TSGA10: variants seen among roughly 807,000 people sequenced by gnomAD.
TSGA10 encodes testis-specific gene 10 protein.
Under a neutral mutation model 96.6 loss-of-function variants are expected in TSGA10, and 43 were observed. That is an observed-to-expected ratio of 0.44 (90% CI 0.35 to 0.57). The LOEUF (loss-of-function observed/expected upper bound fraction) is 0.57. Among genes scored for constraint, TSGA10 ranks in the 20% least tolerant of loss-of-function variants. The probability of loss-of-function intolerance (pLI) is 0.01; values close to 1 mark genes in which losing one functional copy is unlikely to be tolerated. For missense variants in TSGA10, 703 were observed against 834.4 expected (o/e 0.84, Z 1.94); for synonymous variants, 229 against 269.9 (o/e 0.85, Z 1.48).
chr2:99,125,789 A>T (rs923946472), intron 2 of TSGA10: 1 of 152,178 alleles, frequency 6.6e-6, no homozygotes, highest in African/African-American at 2.4e-5. Flanking sequence ...CAAGAATGGG[A>T]GTTCAGGCTC....
At chr2:99,076,091 A>G (rs1574090478) in intron 12 of TSGA10, among the ~76,000 whole-genome samples, 1 of 152,120 alleles carries the variant, frequency 6.6e-6, no homozygotes, top group South Asian at 2.1e-4. Context: ...GCCTTTAAAT[A>G]TTTCAATATT....
rs773569978 is a variant in TSGA10, at chr2:99,035,454, T to TTA, written c.1405-17_1405-16dup. 3 of 1,555,928 alleles carry TTA rather than the reference T, an allele frequency of 1.9e-6. No homozygotes were observed. The highest frequency in any genetic ancestry group is 4.6e-5 in the East Asian group (2 of 43,674). On this transcript the variant is annotated splice_polypyrimidine_tract_variant and intron_variant, in intron 16 of 20. Coordinates refer to ENST00000393483, the MANE Select transcript of TSGA10 (RefSeq NM_025244.4). ...GCATTTAAGTGCTGTAAGAATAAAA[T>TTA]TATATATATGTATGTATACATATAT...
chr2:99,057,916 A>G (rs971193840), intron 16 of TSGA10, among the ~76,000 whole-genome samples: 3 of 152,236 alleles, frequency 2.0e-5, no homozygotes, highest in Non-Finnish European at 2.9e-5. Flanking sequence ...TCAATGAAAT[A>G]GAATTAAGAG....
chr2:99,102,684 A>G, intron 10 of TSGA10: 1 of 1,613,534 alleles, frequency 6.2e-7, no homozygotes, highest in Non-Finnish European at 8.5e-7. Flanking sequence ...AAATAAGGTT[A>G]GTCATATTGA....
chr2:99,140,982 C>A (rs2093519070), intron 1 of TSGA10: 1 of 919,184 alleles, frequency 1.1e-6, no homozygotes, highest in African/African-American at 1.8e-5. Flanking sequence ...CCCGCCACGG[C>A]CCCGCACCCG....
At chr2:99,021,741 T>C (rs774467587) in intron 17 of TSGA10, among the ~76,000 whole-genome samples, 15 of 152,180 alleles carry the variant, frequency 9.9e-5, no homozygotes, top group Non-Finnish European at 1.8e-4. Flanking sequence ...AAATGCACAC[T>C]GGGAGCAAAC....
At chr2:99,024,976 A>T (rs1465294064) in intron 17 of TSGA10, among the ~76,000 whole-genome samples, 1 of 152,206 alleles carries the variant, frequency 6.6e-6, no homozygotes, top group Non-Finnish European at 1.5e-5. Flanking sequence ...CCCAGCATTC[A>T]TGGAATAAAC....
chr2:99,149,255 G>A (rs1574773033), intron 1 of TSGA10, among the ~76,000 whole-genome samples: 1 of 151,780 alleles, frequency 6.6e-6, no homozygotes, highest in Admixed American at 6.6e-5. Flanking sequence ...AGCATCTTGG[G>A]TAGATCACTC....
At chr2:99,003,641 T>C (rs1415771775) in intron 20 of TSGA10, among the ~76,000 whole-genome samples, 1 of 152,190 alleles carries the variant, frequency 6.6e-6, no homozygotes, top group Non-Finnish European at 1.5e-5. Context: ...GAACTCAGGA[T>C]TAAGAAACTG....
chr2:99,030,890 G>A (rs1027252052), intron 17 of TSGA10, among the ~76,000 whole-genome samples: 4 of 152,004 alleles, frequency 2.6e-5, no homozygotes, highest in African/African-American at 9.7e-5. Flanking sequence ...ATGAATTGGA[G>A]GCCTTAGCAT....
At chr2:99,039,828 T>C (rs1052214332) in intron 16 of TSGA10, among the ~76,000 whole-genome samples, 1 of 151,950 alleles carries the variant, frequency 6.6e-6, no homozygotes, top group Non-Finnish European at 1.5e-5. Context: ...AAAAGAAAAC[T>C]ACAGACCAAT....
chr2:99,031,777 G>C (rs896477746), intron 17 of TSGA10, among the ~76,000 whole-genome samples: 15 of 152,154 alleles, frequency 9.9e-5, no homozygotes, highest in Admixed American at 6.5e-5. Context: ...TCCACCTCCT[G>C]TCAGATCTGC....
At chr2:99,066,152 A>G (rs1328337906) in intron 15 of TSGA10, among the ~76,000 whole-genome samples, 1 of 152,182 alleles carries the variant, frequency 6.6e-6, no homozygotes, top group Non-Finnish European at 1.5e-5. Context: ...CAGATAAGCC[A>G]TTTCCTGATT....
At chr2:99,025,724 T>A in intron 17 of TSGA10, among the ~76,000 whole-genome samples, 1 of 152,216 alleles carries the variant, frequency 6.6e-6, no homozygotes. Flanking sequence ...AGATAGGCAT[T>A]TATAGCTATA....
chr2:99,089,318 AG>A (rs1157279725), intron 10 of TSGA10, among the ~76,000 whole-genome samples: 1 of 152,208 alleles, frequency 6.6e-6, no homozygotes, highest in African/African-American at 2.4e-5. Flanking sequence ...GGGCTGCCAG[AG>A]GAACTGGGAA....
intron 10 of TSGA10, among the ~76,000 whole-genome samples, chr2:99,088,428 T>C (rs922285012): frequency 6.6e-5 from 10 of 152,224 alleles, no homozygotes; most frequent in Admixed American, 5.9e-4. Flanking sequence ...TAGGGTTCAG[T>C]ATTAATATCT....
At chr2:99,133,094 G>C (rs1271350773) in intron 1 of TSGA10, among the ~76,000 whole-genome samples, 1 of 152,188 alleles carries the variant, frequency 6.6e-6, no homozygotes, top group Admixed American at 6.5e-5. Flanking sequence ...TTCTGTAGAT[G>C]TCTGTTAGGT....
At chr2:99,110,824 C>T in intron 5 of TSGA10, 26 bp downstream of exon 5, 1 of 573,056 alleles carries the variant, frequency 1.7e-6, no homozygotes, top group Non-Finnish European at 2.2e-6. Flanking sequence ...GATTCCGTAA[C>T]ACATATTTAT....
Position 99,035,287 on chromosome 2 carries a change from G to C in TSGA10, c.1557C>G (p.Asp519Glu), listed in dbSNP as rs770837918. 6.2e-7 allele frequency: 1 copy of C among 1,612,354 alleles called. No individual in the cohort carries two copies. The highest frequency in any genetic ancestry group is 1.1e-5 in the South Asian group (1 of 90,790). Residue 519 changes from aspartate to glutamate, a missense_variant, in exon 17 of 21, where the codon GAC (aspartate) becomes GAG (glutamate). Around this residue, in one of 3 missense-constraint regions of TSGA10, gnomAD observed 585 missense variants for 656.8 expected, o/e 0.89. Coordinates refer to ENST00000393483, the MANE Select transcript of TSGA10 (RefSeq NM_025244.4). ...GTCGATTAAGAAGTTCTTTGCTTGA[G>C]TCAAGTTTAATACAGAGTTCCCTAG... ...SSTRELCIKL[D>E]SSKELLNRQL...
Sources: gnomAD v4.1 joint callset for allele counts (sites outside exome capture counted in the v4.1 genomes callset) on GRCh38, gnomAD v4.1.1 for gene constraint, gnomAD v4.1.1 regional missense constraint, MANE v1.5 for transcripts, NCBI Gene and HGNC (gene_info 2026-07-23, HGNC 2026-07-21) for gene names.